RPTOR: variants seen among roughly 807,000 people sequenced by gnomAD.
RPTOR encodes regulatory associated protein of MTOR complex 1, also known as regulatory-associated protein of mTOR.
Under a neutral mutation model 169.9 loss-of-function variants are expected in RPTOR, and 21 were observed. The observed-to-expected ratio is 0.12, with a 90% CI of 0.09 to 0.18. The LOEUF is 0.18. Ranked by LOEUF, RPTOR falls within the 10% of genes least tolerant of loss-of-function variation. The pLI, the probability that RPTOR is intolerant of heterozygous loss-of-function variation, is 1.00. For synonymous variants in RPTOR, 732 were observed against 753.2 expected, an observed-to-expected ratio of 0.97 and a Z score of 0.46; for missense variants, 1,133 against 1,855.9, an observed-to-expected ratio of 0.61 and a Z score of 7.16.
intron 25 of RPTOR, among the ~76,000 whole-genome samples, chr17:80,942,631 T>C (rs1410472869): frequency 1.3e-5 from 2 of 152,112 alleles, no homozygotes; most frequent in Non-Finnish European, 2.9e-5. Context: ...CAGGCGTTTA[T>C]TTTCATTTAA....
At chr17:80,866,182 A>G (rs1384461774) in intron 13 of RPTOR, among the ~76,000 whole-genome samples, 1 of 149,018 alleles carries the variant, frequency 6.7e-6, no homozygotes, top group African/African-American at 2.4e-5. Flanking sequence ...TGTATATATA[A>G]TATATAATAT....
At chr17:80,793,107 G>A (rs1166777144) in intron 7 of RPTOR, among the ~76,000 whole-genome samples, 3 of 152,152 alleles carry the variant, frequency 2.0e-5, no homozygotes, top group Non-Finnish European at 2.9e-5. Flanking sequence ...GATTCTGGCC[G>A]TGCCAGGCCA....
Position 80,791,484 on chromosome 17 carries a change from G to A in RPTOR, c.865G>A (p.Gly289Ser), listed in dbSNP as rs1567913210. ...GCAGAAATGTGTCAGTCTGGTGCCT[G>A]GCGTCACACTGGATTTGATAGAAAA... ...CMQKCVSLVP[G>S]VTLDLIEKIP... The change falls in exon 7 of 34, where the codon GGC becomes AGC. Residue 289 changes from glycine to serine, a missense_variant. Physicochemically the swap from Gly to Ser is moderately conservative, Grantham distance 56. This residue lies in a region of RPTOR where 289 missense variants were observed against 585.8 expected (regional missense o/e 0.49). Transcript: ENST00000306801. 6.2e-7 allele frequency: 1 copy of A among 1,613,796 alleles called. No homozygotes were observed. The highest frequency in any genetic ancestry group is 8.5e-7 in the Non-Finnish European group (1 of 1,179,948).
chr17:80,580,658 C>T (rs911748374), intron 1 of RPTOR, among the ~76,000 whole-genome samples: 5 of 152,114 alleles, frequency 3.3e-5, no homozygotes, highest in Admixed American at 1.3e-4. Context: ...GGTCCCACTC[C>T]GTTGCCTGGG....
chr17:80,796,068 G>A (rs914443874), intron 7 of RPTOR, among the ~76,000 whole-genome samples: 7 of 152,210 alleles, frequency 4.6e-5, no homozygotes, highest in African/African-American at 1.2e-4. Context: ...CAGAGAGGCC[G>A]TGCTCTCGAG....
In RPTOR at chr17:80,562,933, G is replaced by A. The variant is rs987094431; in HGVS notation, c.162+17142G>A. On this transcript the variant is annotated intron_variant, in intron 1 of 33. Transcript: ENST00000306801. This position sits in a 1 kb window ranked among gnomAD's most constrained non-coding sequence, Gnocchi z 4.4. The stretch of plus-strand genomic sequence containing the variant: ...ATTTAGTTTTCAGCTAGGTGTGACC[G>A]TCGCCTGCCTTGCTGCCGATGTCCT... Among the ~76,000 whole-genome samples, 2 of 152,236 alleles carry A rather than the reference G, an allele frequency of 1.3e-5. No homozygotes were observed. The highest frequency in any genetic ancestry group is 1.9e-4 in the East Asian group (1 of 5,198).
rs935579068 is a variant in RPTOR, at chr17:80,861,715, G to A, written c.1509+3815G>A. Among the ~76,000 whole-genome samples the A allele has an allele frequency of 2.0e-5, 3 of 152,168 alleles. No homozygotes were observed. Among genetic ancestry groups the A allele is most frequent in the Non-Finnish European group, 4.4e-5 (3 of 68,032 alleles). On this transcript the variant is annotated intron_variant, in intron 13 of 33. Coordinates refer to ENST00000306801, the MANE Select transcript of RPTOR (RefSeq NM_020761.3). The surrounding 1 kb of genome is among the most constrained non-coding windows in gnomAD (Gnocchi z 4.5). ...CATGCAGAGGTCTGGGATTACGGCC[G>A]CCTGAGCCTGCTCCCCAGCACCGCC...
At chr17:80,882,182 G>A (rs1190986415) in intron 14 of RPTOR, among the ~76,000 whole-genome samples, 1 of 152,178 alleles carries the variant, frequency 6.6e-6, no homozygotes, top group Non-Finnish European at 1.5e-5. Flanking sequence ...GCCGGGCTGG[G>A]AACGTTCACC....
chr17:80,965,039 T>C lies in RPTOR; in HGVS notation c.*709T>C, dbSNP rs2069408243. The C allele has an allele frequency of 8.6e-6, 2 of 233,234 alleles. No homozygotes were observed. Among genetic ancestry groups the C allele is most frequent in the Non-Finnish European group, 1.7e-5 (2 of 118,136 alleles). 14.4% of individuals were successfully genotyped at this position (233,234 alleles called of 1,614,324 possible). On this transcript the variant is annotated 3_prime_UTR_variant, in exon 34 of 34. Coordinates refer to ENST00000306801, the MANE Select transcript of RPTOR (RefSeq NM_020761.3). ...GTCTCTGGACTCCAGTTTTGGCCCCTCTCACACAGAGCTGTCAGCAGGGGC... is the reference window on the plus strand; with the variant it reads ...GTCTCTGGACTCCAGTTTTGGCCCCCCTCACACAGAGCTGTCAGCAGGGGC...
chr17:80,862,903 C>T (rs2067936162), intron 13 of RPTOR, among the ~76,000 whole-genome samples: 1 of 152,200 alleles, frequency 6.6e-6, no homozygotes, highest in Non-Finnish European at 1.5e-5. Flanking sequence ...TTCTCAGCAT[C>T]CCCCTGCTGC....
intron 15 of RPTOR, 74 bp from the exon 16 acceptor site, chr17:80,883,707 T>A: frequency 6.6e-7 from 1 of 1,509,264 alleles, no homozygotes; most frequent in South Asian, 1.1e-5. Flanking sequence ...GCCACCGTTG[T>A]CCCGTGCAGG....
At chr17:80,709,160 T>G in intron 4 of RPTOR, 2 of 825,648 alleles carry the variant, frequency 2.4e-6, no homozygotes, top group Non-Finnish European at 2.9e-6. Context: ...GTGCCATCTC[T>G]CCCCGTGTGT....
At position 80,959,250 on chromosome 17, in the gene RPTOR, T is replaced by C. The variant is rs59699771; in HGVS notation, c.3478-828T>C. Among the ~76,000 whole-genome samples, 458 of 152,330 alleles carry C rather than the reference T, an allele frequency of 3.0e-3. 6 individuals carry two copies. Among genetic ancestry groups the C allele is most frequent in the African/African-American group, 0.01 (435 of 41,584 alleles). On this transcript the variant is annotated intron_variant, in intron 29 of 33. Coordinates refer to ENST00000306801, the MANE Select transcript of RPTOR (RefSeq NM_020761.3). The surrounding 1 kb of genome is among the most constrained non-coding windows in gnomAD (Gnocchi z 6.7). Reference sequence around the variant, plus strand: ...GGGGGGTCTTGCACCTGTCTGGAGCTGTGGCTCCACACGAGACGTAGCCCT... The same window carrying C: ...GGGGGGTCTTGCACCTGTCTGGAGCCGTGGCTCCACACGAGACGTAGCCCT...
chr17:80,622,824 G>T (rs779046505), intron 1 of RPTOR, among the ~76,000 whole-genome samples: 23 of 152,078 alleles, frequency 1.5e-4, no homozygotes, highest in Non-Finnish European at 2.5e-4. Context: ...GATCGCTTGA[G>T]CCCAGGAGGT....
intron 19 of RPTOR, 47 bp downstream of exon 19, chr17:80,892,916 G>GT (rs758045162): frequency 6.3e-7 from 1 of 1,594,292 alleles, no homozygotes; most frequent in East Asian, 2.2e-5. Context: ...GATTGGGGTT[G>GT]TTTTTTCTGA....
At chr17:80,865,845 A>G (rs1447024463) in intron 13 of RPTOR, among the ~76,000 whole-genome samples, 2 of 152,132 alleles carry the variant, frequency 1.3e-5, no homozygotes, top group African/African-American at 4.8e-5. Context: ...GCAGCCATGC[A>G]GTGCACAGAG....
intron 24 of RPTOR, among the ~76,000 whole-genome samples, chr17:80,930,412 GCTCATCCTCAGCTCATC>G (rs2068877442): frequency 2.7e-3 from 25 of 9,216 alleles, no homozygotes; most frequent in Non-Finnish European, 2.8e-3. Context: ...CTCATCCCCA[GCTCATCCTCAGCTCATC>G]CTCATCCCCA....
intron 11 of RPTOR, among the ~76,000 whole-genome samples, chr17:80,852,436 G>A (rs528136365): frequency 6.6e-5 from 10 of 152,178 alleles, no homozygotes; most frequent in Non-Finnish European, 1.2e-4. Context: ...AGAGGGATCC[G>A]GTTCCAGTTC....
chr17:80,881,435 C>T (rs564384745), intron 14 of RPTOR, among the ~76,000 whole-genome samples: 186 of 152,366 alleles, frequency 1.2e-3, no homozygotes, highest in South Asian at 2.1e-3. Flanking sequence ...TCACTGGCGA[C>T]TTGGGCGCGA....
Sources: allele counts gnomAD v4.1 joint callset (sites outside exome capture counted in the v4.1 genomes callset), GRCh38; gene constraint gnomAD v4.1.1; regional missense constraint gnomAD v4.1.1; non-coding constraint Gnocchi (gnomAD v3.1); transcripts MANE v1.5; gene names NCBI Gene and HGNC (gene_info 2026-07-23, HGNC 2026-07-21).